Variants in FBXL17 observed in about 807,000 individuals in gnomAD.
The protein encoded by FBXL17 is F-box and leucine rich repeat protein 17.
A neutral mutation model predicts 66.2 loss-of-function variants in FBXL17; 22 were observed. That is an observed-to-expected ratio of 0.33 (90% CI 0.24 to 0.47). FBXL17 has a LOEUF of 0.47. FBXL17 is among the 20% of genes least tolerant of loss of function. FBXL17 has a pLI of 1.00. For synonymous variants in FBXL17, 474 were observed against 400.5 expected (o/e 1.18, Z -2.19); for missense variants, 878 against 948.2 (o/e 0.93, Z 0.97).
At chr5:108,075,416 T>C (rs1561397795) in intron 6 of FBXL17, among the ~76,000 whole-genome samples, 1 of 152,238 alleles carries the variant, frequency 6.6e-6, no homozygotes, top group Non-Finnish European at 1.5e-5. Context: ...AGGGCTTCAA[T>C]CATGTGAAAC....
At chr5:108,113,346 AG>A (rs1472417865) in intron 6 of FBXL17, among the ~76,000 whole-genome samples, 2 of 152,166 alleles carry the variant, frequency 1.3e-5, no homozygotes, top group African/African-American at 4.8e-5. Context: ...CTAATATGCA[AG>A]AGAGATAGAT....
At chr5:108,320,726 C>A (rs1340296409) in intron 4 of FBXL17, among the ~76,000 whole-genome samples, 1 of 151,574 alleles carries the variant, frequency 6.6e-6, no homozygotes. Flanking sequence ...GAACAAAAAC[C>A]CTCATTTTTA....
At chr5:108,333,668 A>T (rs1760241788) in intron 4 of FBXL17, among the ~76,000 whole-genome samples, 1 of 152,196 alleles carries the variant, frequency 6.6e-6, no homozygotes, top group African/African-American at 2.4e-5. Context: ...GGAAGCTAAC[A>T]AAAGACAAAA....
rs570427833 is a variant in FBXL17 at position 108,200,019 on chromosome 5, C to G, written c.1615-13772G>C. Among the ~76,000 whole-genome samples, 3 of 151,220 alleles carry G rather than the reference C, an allele frequency of 2.0e-5. No homozygotes were observed. The South Asian group carries it at 6.3e-4, about 32-fold the overall frequency. On this transcript the variant is annotated intron_variant, in intron 5 of 8. Transcript: ENST00000542267. The stretch of plus-strand genomic sequence containing the variant: ...CAAAGCTGAAGACACTGAAGCTGAT[C>G]CCTTCAGCATCCCAAAGCTGAAGAC...
At chr5:107,940,628 C>T (rs1342476777) in intron 7 of FBXL17, among the ~76,000 whole-genome samples, 1 of 151,916 alleles carries the variant, frequency 6.6e-6, no homozygotes. Context: ...GGAGGGTGGG[C>T]GTGTACAGGA....
At chr5:108,217,703 T>A (rs1754668524) in intron 5 of FBXL17, among the ~76,000 whole-genome samples, 1 of 152,224 alleles carries the variant, frequency 6.6e-6, no homozygotes, top group Non-Finnish European at 1.5e-5. Context: ...GTCTATGATG[T>A]ACTATAGATC....
In FBXL17 at chr5:108,381,605, A is replaced by G. The variant is rs1749946317; in HGVS notation, c.87T>C (p.Pro29=). 3 of 1,474,178 alleles carry G rather than the reference A, an allele frequency of 2.0e-6. No individual in the cohort carries two copies. Among genetic ancestry groups the G allele is most frequent in the Non-Finnish European group, 2.7e-6 (3 of 1,118,978 alleles). 91.3% of individuals were successfully genotyped at this position (1,474,178 alleles called of 1,614,324 possible). Residue 29 remains proline, a synonymous_variant, in exon 1 of 9, where the codon CCT becomes CCC. Transcript: ENST00000542267. Reference sequence around the variant, plus strand: ...GGGTCCGGCGGGGCAGCCTGAGGAGAGGGCGCCGGCGGCGGCACCAACTGC... The same window carrying G: ...GGGTCCGGCGGGGCAGCCTGAGGAGGGGGCGCCGGCGGCGGCACCAACTGC... ...RCCSWCRRRR[P]LLRLPRRTPA...
chr5:108,237,591 T>C (rs190176452), intron 4 of FBXL17, among the ~76,000 whole-genome samples: 49 of 152,246 alleles, frequency 3.2e-4, no homozygotes, highest in African/African-American at 1.1e-3. Flanking sequence ...TTCCAACAGA[T>C]TGCAGGTCCA....
chr5:108,138,169 T>A (rs1751216105), intron 6 of FBXL17, among the ~76,000 whole-genome samples: 1 of 152,180 alleles, frequency 6.6e-6, no homozygotes, highest in Non-Finnish European at 1.5e-5. Context: ...CCTAGCTAAT[T>A]GGAGATATCT....
chr5:108,342,409 G>A (rs963589439), intron 4 of FBXL17, among the ~76,000 whole-genome samples: 1 of 152,054 alleles, frequency 6.6e-6, no homozygotes, highest in Non-Finnish European at 1.5e-5. Flanking sequence ...ATACACTTCT[G>A]CTGGTACTTG....
intron 5 of FBXL17, among the ~76,000 whole-genome samples, chr5:108,213,110 C>A (rs1026456556): frequency 1.1e-4 from 16 of 152,228 alleles, no homozygotes; most frequent in African/African-American, 3.8e-4. Flanking sequence ...AGCTTAAAAC[C>A]GCCTACTCAA....
rs151324920 is a variant in FBXL17, at chr5:107,864,330, T to C, written c.1966-2470A>G. 1.0e-3 allele frequency among the ~76,000 whole-genome samples: 155 copies of C among 152,346 alleles called. 1 individual carries two copies. The highest frequency in any genetic ancestry group is 3.6e-3 in the African/African-American group (148 of 41,582). Reference sequence around the variant, plus strand: ...ATAAAATAAACCTTGTTAACATTAGTTGTAATGTTTAAAATAAATTAATCA... The same window carrying C: ...ATAAAATAAACCTTGTTAACATTAGCTGTAATGTTTAAAATAAATTAATCA... On this transcript the variant is annotated intron_variant, in intron 8 of 8. Coordinates refer to ENST00000542267, the MANE Select transcript of FBXL17 (RefSeq NM_001163315.3).
intron 1 of FBXL17, among the ~76,000 whole-genome samples, chr5:108,371,991 C>T (rs1749070352): frequency 1.3e-5 from 2 of 152,142 alleles, no homozygotes; most frequent in Non-Finnish European, 2.9e-5. Context: ...TAAGCCTGCT[C>T]TCCAATTCTC....
At chr5:108,236,579 GCAAA>G (rs1334529774) in intron 4 of FBXL17, among the ~76,000 whole-genome samples, 1 of 150,380 alleles carries the variant, frequency 6.6e-6, no homozygotes, top group African/African-American at 2.4e-5. Flanking sequence ...AAAACAAAAA[GCAAA>G]CAAACAAATA....
chr5:107,906,287 C>A (rs955246719), intron 7 of FBXL17, among the ~76,000 whole-genome samples: 1 of 152,012 alleles, frequency 6.6e-6, no homozygotes, highest in Admixed American at 6.6e-5. Flanking sequence ...GTATTTATTA[C>A]TTTAAGCTTC....
chr5:108,364,114 T>C (rs770760739), intron 3 of FBXL17, among the ~76,000 whole-genome samples: 1 of 152,024 alleles, frequency 6.6e-6, no homozygotes, highest in Admixed American at 6.6e-5. Flanking sequence ...TCTTCCCAAA[T>C]TTCTTTTCAT....
rs142203352 is a variant in FBXL17 at position 108,244,408 on chromosome 5, C to T, written c.1507-20180G>A. Reference sequence around the variant, plus strand: ...ATCCAGCTCCACTTCTTACTAGCTACGTGACCTTAAGGAAGTTATTATCTG... The same window carrying T: ...ATCCAGCTCCACTTCTTACTAGCTATGTGACCTTAAGGAAGTTATTATCTG... On this transcript the variant is annotated intron_variant, in intron 4 of 8. Transcript: ENST00000542267. Among the ~76,000 whole-genome samples, 94 of 152,184 alleles carry T rather than the reference C, an allele frequency of 6.2e-4. 4 individuals carry two copies. In the East Asian group the frequency reaches 0.012, roughly 19 times the overall value.
intron 5 of FBXL17, among the ~76,000 whole-genome samples, chr5:108,188,159 T>TACTC (rs1414559278): frequency 6.6e-6 from 1 of 152,022 alleles, no homozygotes; most frequent in African/African-American, 2.4e-5. Flanking sequence ...TGCCAGGCAG[T>TACTC]ACTCACACTC....
intron 1 of FBXL17, among the ~76,000 whole-genome samples, chr5:108,370,388 A>G (rs1748950767): frequency 6.6e-6 from 1 of 152,184 alleles, no homozygotes; most frequent in Non-Finnish European, 1.5e-5. Flanking sequence ...GCCTCGGGAA[A>G]ACAACTGCCT....
Sources: allele counts gnomAD v4.1 joint callset (sites outside exome capture counted in the v4.1 genomes callset), GRCh38; gene constraint gnomAD v4.1.1; transcripts MANE v1.5; gene names NCBI Gene and HGNC (gene_info 2026-07-23, HGNC 2026-07-21).